The following PI4KB variants were observed in gnomAD, a reference collection of about 807,000 sequenced individuals.
PI4KB encodes the protein PtdIns 4-kinase beta.
In PI4KB, 23 loss-of-function variants were observed where a neutral mutation model predicts 81.4. The ratio of observed to expected loss-of-function variants is 0.28; its 90% confidence interval spans 0.20 to 0.40. The LOEUF (loss-of-function observed/expected upper bound fraction) is 0.40. PI4KB is among the 10% of genes least tolerant of loss of function. The pLI is 1.00. For synonymous variants in PI4KB, 381 were observed against 406.8 expected (o/e 0.94, Z 0.76); for missense variants, 651 against 1,036.6 (o/e 0.63, Z 5.11).
chr1:151,300,172 T>C (rs755803392), intron 8 of PI4KB, among the ~76,000 whole-genome samples: 2 of 152,250 alleles, frequency 1.3e-5, no homozygotes, highest in Non-Finnish European at 2.9e-5. Context: ...ATTTGACAGC[T>C]ATTTCTTGAA....
chr1:151,309,764 A>G (rs1307188664), intron 3 of PI4KB, among the ~76,000 whole-genome samples: 1 of 152,216 alleles, frequency 6.6e-6, no homozygotes, highest in Non-Finnish European at 1.5e-5. Flanking sequence ...GCTCACCAGC[A>G]CAGGGCCTAG....
intron 2 of PI4KB, among the ~76,000 whole-genome samples, chr1:151,312,198 A>T (rs192455878): frequency 7.9e-5 from 12 of 152,188 alleles, no homozygotes; most frequent in Non-Finnish European, 1.8e-4. Flanking sequence ...GCAGAGAACA[A>T]CTCTGCAGGG....
At chr1:151,311,837 A>T (rs1239971445) in intron 2 of PI4KB, among the ~76,000 whole-genome samples, 1 of 152,254 alleles carries the variant, frequency 6.6e-6, no homozygotes, top group Non-Finnish European at 1.5e-5. Context: ...TAGAAGGCCT[A>T]CTGGGGCTTC....
At chr1:151,311,883 T>C (rs1696259995) in intron 2 of PI4KB, among the ~76,000 whole-genome samples, 1 of 152,220 alleles carries the variant, frequency 6.6e-6, no homozygotes, top group African/African-American at 2.4e-5. Context: ...TGTACAAAGG[T>C]TGCAGTCCTG....
In PI4KB at chr1:151,327,216, AC is replaced by A. The variant is rs57366528; in HGVS notation, c.-29+54del. ...CTGTGCGGGACAGGGTGGGAGAGGGACCCCCCCCCCCACCCAACAGGGCAAA... is the reference window on the plus strand; with the variant it reads ...CTGTGCGGGACAGGGTGGGAGAGGGACCCCCCCCCCACCCAACAGGGCAAA... On this transcript the variant is annotated intron_variant, in intron 1 of 11. Transcript: ENST00000368873. 5.8e-3 allele frequency: 602 copies of A among 103,994 alleles called. 13 individuals are homozygous for A. The highest frequency in any genetic ancestry group is 0.021 in the Middle Eastern group (3 of 140). 6.4% of individuals were successfully genotyped at this position (103,994 alleles called of 1,614,324 possible). A position where few individuals can be genotyped will look rare whatever the true frequency, so the allele number is the denominator to read the frequency against.
intron 6 of PI4KB, 102 bp downstream of exon 6, chr1:151,303,439 C>A (rs1415411712): frequency 2.5e-6 from 2 of 797,806 alleles, no homozygotes; most frequent in African/African-American, 1.7e-5. Context: ...GGGAAAGACA[C>A]AGGCCAACAA....
intron 1 of PI4KB, among the ~76,000 whole-genome samples, chr1:151,320,109 C>A (rs146883961): frequency 0.034 from 5,150 of 152,310 alleles, 124 homozygotes; most frequent in Non-Finnish European, 0.052. Flanking sequence ...TCTTGGCTCA[C>A]TGCAAGCTCC....
intron 4 of PI4KB, 161 bp from the exon 5 acceptor site, chr1:151,306,524 T>C: frequency 3.3e-6 from 2 of 607,150 alleles, no homozygotes; most frequent in South Asian, 3.9e-5. Flanking sequence ...CAGATACTTG[T>C]CCTATGATCA....
At chr1:151,293,829 G>A in intron 11 of PI4KB, 189 bp downstream of exon 11, 1 of 606,222 alleles carries the variant, frequency 1.6e-6, no homozygotes, top group South Asian at 2.2e-5. Flanking sequence ...CAGCCTTCTG[G>A]ACTTAGCCTT....
rs775958958 is a variant in PI4KB, at chr1:151,292,587, A to C, written c.*265T>G. 6 of 444,560 alleles carry C rather than the reference A, an allele frequency of 1.3e-5. No individual in the cohort carries two copies. Among genetic ancestry groups the C allele is most frequent in the East Asian group, 4.0e-5 (1 of 24,784 alleles). 27.5% of individuals were successfully genotyped at this position (444,560 alleles called of 1,614,324 possible). A position where few individuals can be genotyped will look rare whatever the true frequency, so the allele number is the denominator to read the frequency against. ...TTGTCACCTCTGTTTTCTGGAGGGC[A>C]GTGAGTCCTGGAGTCAGTCTGGTGG... On this transcript the variant is annotated 3_prime_UTR_variant, in exon 12 of 12. Coordinates refer to ENST00000368873, the MANE Select transcript of PI4KB (RefSeq NM_001369623.2).
At chr1:151,307,893 G>A in intron 3 of PI4KB, 92 bp from the exon 4 acceptor site, 1 of 947,246 alleles carries the variant, frequency 1.1e-6, no homozygotes, top group Non-Finnish European at 1.7e-6. Context: ...TGCAGGCCGG[G>A]GACCCCACTA....
intron 4 of PI4KB, among the ~76,000 whole-genome samples, chr1:151,306,661 G>A (rs1571175136): frequency 6.6e-6 from 1 of 152,218 alleles, no homozygotes; most frequent in Non-Finnish European, 1.5e-5. Context: ...TGTAAGGGAG[G>A]CCTAGATGCC....
intron 4 of PI4KB, 84 bp from the exon 5 acceptor site, chr1:151,306,447 C>T: frequency 1.2e-6 from 1 of 836,994 alleles, no homozygotes; most frequent in Non-Finnish European, 2.0e-6. Context: ...GTTCTTCCTG[C>T]TGTCCTTTCT....
chr1:151,310,181 G>GC (rs1228180795), intron 3 of PI4KB, 30 bp downstream of exon 3: 1 of 1,570,914 alleles, frequency 6.4e-7, no homozygotes, highest in Admixed American at 1.7e-5. Flanking sequence ...GGGGGAGCCT[G>GC]CCACCCCGTC....
At chr1:151,306,529 T>A (rs1014019215) in intron 4 of PI4KB, 166 bp from the exon 5 acceptor site, 5 of 603,168 alleles carry the variant, frequency 8.3e-6, no homozygotes, top group Non-Finnish European at 1.5e-5. Flanking sequence ...ACTTGTCCTA[T>A]GATCACCTAT....
In PI4KB at chr1:151,307,627, G is replaced by A; in HGVS notation, c.1129C>T (p.His377Tyr). Reference sequence around the variant, plus strand: ...TGTGTGTGGGGTACACGGACCACGTGGTGGTCAAAGCCAGCAGTGGGCAGC... The same window carrying A: ...TGTGTGTGGGGTACACGGACCACGTAGTGGTCAAAGCCAGCAGTGGGCAGC... ...VWLPTAGFDH[H>Y]VVRVPHTQAV... Residue 377 changes from histidine to tyrosine, a missense_variant, in exon 4 of 12, where the codon CAC becomes TAC. His to Tyr is a moderately conservative substitution (Grantham distance 83). Transcript: ENST00000368873. 1 of 1,614,060 alleles carries A rather than the reference G, an allele frequency of 6.2e-7. No individual in the cohort carries two copies.
Sources: gnomAD v4.1 joint callset for allele counts (sites outside exome capture counted in the v4.1 genomes callset) on GRCh38, gnomAD v4.1.1 for gene constraint, MANE v1.5 for transcripts, NCBI Gene and HGNC (gene_info 2026-07-23, HGNC 2026-07-21) for gene names.